UTP20: variants seen among roughly 807,000 people sequenced by gnomAD.
UTP20 encodes small subunit processome component 20 homolog.
Under a neutral mutation model 329.5 loss-of-function variants are expected in UTP20, and 164 were observed. The observed-to-expected ratio is 0.50, with a 90% CI of 0.44 to 0.57. UTP20 has a LOEUF of 0.57. UTP20 is among the 20% of genes least tolerant of loss of function. The pLI, the probability that UTP20 is intolerant of heterozygous loss-of-function variation, is 0.00. For missense variants in UTP20, 3,055 were observed against 3,284.2 expected, an observed-to-expected ratio of 0.93 and a Z score of 1.71; for synonymous variants, 1,151 against 1,159.3, an observed-to-expected ratio of 0.99 and a Z score of 0.14.
rs540153755 is a variant in UTP20 at position 101,319,407 on chromosome 12, C to T, written c.2739-138C>T. Reference sequence around the variant, plus strand: ...AGAATAATTTCCTAAATGTAAATAACTAAGCCTTGTTTATATAATAGTGAA... The same window carrying T: ...AGAATAATTTCCTAAATGTAAATAATTAAGCCTTGTTTATATAATAGTGAA... On this transcript the variant is annotated intron_variant, in intron 22 of 61. Coordinates refer to ENST00000261637, the MANE Select transcript of UTP20 (RefSeq NM_014503.3). 1.9e-3 allele frequency: 1,126 copies of T among 605,240 alleles called. 1 individual carries two copies. Among genetic ancestry groups the T allele is most frequent in the Non-Finnish European group, 2.9e-3 (1,054 of 368,822 alleles). 37.5% of individuals were successfully genotyped at this position (605,240 alleles called of 1,614,324 possible).
At chr12:101,338,602 G>C (rs1209810695) in intron 30 of UTP20, among the ~76,000 whole-genome samples, 1 of 151,824 alleles carries the variant, frequency 6.6e-6, no homozygotes. Flanking sequence ...AAGCCTCAGG[G>C]GTCTCTTAAA....
intron 31 of UTP20, 27 bp from the exon 32 acceptor site, chr12:101,340,496 T>G: frequency 7.1e-7 from 1 of 1,413,110 alleles, no homozygotes. Flanking sequence ...TATATGTTCC[T>G]TATATATCCG....
chr12:101,334,072 T>C (rs182022724), intron 28 of UTP20, among the ~76,000 whole-genome samples: 4 of 152,358 alleles, frequency 2.6e-5, no homozygotes, highest in African/African-American at 9.6e-5. Context: ...TTGATTTCTC[T>C]GGTTGTAACC....
At position 101,290,155 on chromosome 12, in the gene UTP20, C is replaced by T; in HGVS notation, c.616C>T (p.Leu206Phe). The change falls in exon 7 of 62, where the codon CTT becomes TTT. Residue 206 changes from leucine (L) to phenylalanine (F), a missense_variant. Physicochemically the swap from Leu to Phe is conservative, Grantham distance 22. Transcript: ENST00000261637. ...ATTTTAGGTCTCTGATAAAAACGCA[C>T]TTTTCAATTTAATGTTTCTTGATCT... The part of the protein sequence containing the change: ...LMRKVSDKNA[L>F]FNLMFLDLDK... The T allele has an allele frequency of 6.3e-7, 1 of 1,595,496 alleles. No homozygotes were observed. Among genetic ancestry groups the T allele is most frequent in the Non-Finnish European group, 8.6e-7 (1 of 1,168,872 alleles).
intron 5 of UTP20, among the ~76,000 whole-genome samples, chr12:101,287,270 A>G: frequency 6.6e-6 from 1 of 152,240 alleles, no homozygotes; most frequent in Non-Finnish European, 1.5e-5. Flanking sequence ...TTGAATGAAG[A>G]AAGAGAAAGA....
chr12:101,297,588 T>C (rs1185745848), intron 12 of UTP20, among the ~76,000 whole-genome samples: 1 of 152,188 alleles, frequency 6.6e-6, no homozygotes, highest in Non-Finnish European at 1.5e-5. Flanking sequence ...GCCAACAGAA[T>C]CTTGTTGGTT....
At chr12:101,352,665 G>A (rs1326804143) in intron 39 of UTP20, among the ~76,000 whole-genome samples, 1 of 134,910 alleles carries the variant, frequency 7.4e-6, no homozygotes, top group Non-Finnish European at 1.5e-5. Context: ...ACTGTTGTGG[G>A]GTGGGGGGAG....
At chr12:101,358,521 T>A (rs921374812) in intron 43 of UTP20, among the ~76,000 whole-genome samples, 2 of 152,232 alleles carry the variant, frequency 1.3e-5, no homozygotes, top group African/African-American at 4.8e-5. Context: ...TGCCGTAGTC[T>A]AGAGGGTGTC....
intron 15 of UTP20, 120 bp downstream of exon 15, chr12:101,302,673 G>C: frequency 1.7e-6 from 1 of 602,598 alleles, no homozygotes; most frequent in East Asian, 3.2e-5. Context: ...TTGTATTCAC[G>C]TAGTGAAATT....
At position 101,366,421 on chromosome 12, in the gene UTP20, T is replaced by G. The variant is rs541514450; in HGVS notation, c.6126-137T>G. Reference sequence around the variant, plus strand: ...TCTTCTGTATCTCATGGTTTGGGGGTTTGGGGAGGGGCAAAACCCAAGCAA... The same window carrying G: ...TCTTCTGTATCTCATGGTTTGGGGGGTTGGGGAGGGGCAAAACCCAAGCAA... On this transcript the variant is annotated intron_variant, in intron 46 of 61. Transcript: ENST00000261637. 36 of 1,023,984 alleles carry G rather than the reference T, an allele frequency of 3.5e-5. No homozygotes were observed. In the East Asian group the frequency reaches 8.1e-4, roughly 23 times the overall value. 63.4% of individuals were successfully genotyped at this position (1,023,984 alleles called of 1,614,324 possible).
intron 45 of UTP20, 56 bp downstream of exon 45, chr12:101,363,799 A>T: frequency 4.2e-6 from 5 of 1,178,126 alleles, no homozygotes; most frequent in Non-Finnish European, 6.3e-6. Flanking sequence ...ATGAGTTCCT[A>T]AAAGGAACCA....
chr12:101,359,398 C>T (rs189505789), intron 43 of UTP20, among the ~76,000 whole-genome samples: 218 of 151,976 alleles, frequency 1.4e-3, no homozygotes, highest in African/African-American at 5.1e-3. Flanking sequence ...TCCTGCAGTG[C>T]ACTCTTTCTC....
In UTP20 at chr12:101,317,563, G is replaced by C. The variant is rs142705721; in HGVS notation, c.2638G>C (p.Glu880Gln). The C allele has an allele frequency of 1.4e-5, 23 of 1,614,180 alleles. No homozygotes were observed. The highest frequency in any genetic ancestry group is 1.9e-5 in the Non-Finnish European group (23 of 1,180,032). The change falls in exon 22 of 62, where the codon GAA (glutamate) becomes CAA (glutamine). Residue 880 changes from glutamate to glutamine, a missense_variant. Physicochemically the swap from Glu to Gln is conservative, Grantham distance 29. Transcript: ENST00000261637. ...KGKGMVAEEI[E>Q]EEPAAGDDEE... is the part of the protein sequence containing the mutation. Reference sequence around the variant, plus strand: ...CAAAGGGATGGTGGCAGAGGAAATCGAAGAGGAACCTGCCGCAGGAGATGA... The same window carrying C: ...CAAAGGGATGGTGGCAGAGGAAATCCAAGAGGAACCTGCCGCAGGAGATGA...
chr12:101,333,783 C>T (rs988593296), intron 28 of UTP20, among the ~76,000 whole-genome samples: 3 of 152,204 alleles, frequency 2.0e-5, no homozygotes, highest in Non-Finnish European at 4.4e-5. Flanking sequence ...CCTGCCTCAG[C>T]CTCCCAAGTA....
intron 40 of UTP20, among the ~76,000 whole-genome samples, 164 bp downstream of exon 40, chr12:101,353,293 T>C (rs1869599562): frequency 1.3e-5 from 2 of 152,214 alleles, no homozygotes; most frequent in South Asian, 4.1e-4. Flanking sequence ...GGTTTAAGTA[T>C]TCTTGGAAAA....
chr12:101,352,931 A>G, intron 39 of UTP20, 116 bp from the exon 40 acceptor site: 1 of 494,342 alleles, frequency 2.0e-6, no homozygotes, highest in Non-Finnish European at 3.3e-6. Flanking sequence ...TGTTAAAATT[A>G]AAAATACTAA....
intron 31 of UTP20, among the ~76,000 whole-genome samples, chr12:101,340,158 C>T (rs10860712): frequency 0.2 from 30,228 of 152,020 alleles, 6,536 homozygotes; most frequent in East Asian, 0.55. Flanking sequence ...AATTGAAATA[C>T]TGTACATAAA....
rs1324701915 is a variant in UTP20, at chr12:101,386,052, T to A, written c.8287T>A (p.Phe2763Ile). 6.2e-7 allele frequency: 1 copy of A among 1,608,898 alleles called. No homozygotes were observed. The highest frequency in any genetic ancestry group is 1.1e-5 in the South Asian group (1 of 89,976). ...TGAAGCAAAGAAGAGAAAGATAGAG[T>A]TCCTGCGTCCAGGATATAAGGCCAA... ...KSEAKKRKIEFLRPGYKAKRQ... is the reference protein window; with the variant it reads ...KSEAKKRKIEILRPGYKAKRQ... Residue 2763 changes from phenylalanine to isoleucine, a missense_variant, in exon 62 of 62, where the codon TTC (phenylalanine) becomes ATC (isoleucine). Phe to Ile is a conservative substitution (Grantham distance 21). Around this residue, in one of 3 missense-constraint regions of UTP20, gnomAD observed 337 missense variants for 345.5 expected, o/e 0.98. Coordinates refer to ENST00000261637, the MANE Select transcript of UTP20 (RefSeq NM_014503.3).
At chr12:101,338,333 CT>C in intron 30 of UTP20, 56 bp downstream of exon 30, 1 of 1,563,928 alleles carries the variant, frequency 6.4e-7, no homozygotes, top group Non-Finnish European at 8.8e-7. Context: ...CAATTGTTTC[CT>C]TAGAAGAGAA....
Sources: gnomAD v4.1 joint callset for allele counts (sites outside exome capture counted in the v4.1 genomes callset) on GRCh38, gnomAD v4.1.1 for gene constraint, gnomAD v4.1.1 regional missense constraint, MANE v1.5 for transcripts, NCBI Gene and HGNC (gene_info 2026-07-23, HGNC 2026-07-21) for gene names.